CACNA1A: variants seen among roughly 807,000 people sequenced by gnomAD.
CACNA1A encodes calcium voltage-gated channel subunit alpha1 A, also known as voltage-dependent P/Q-type calcium channel subunit alpha-1A.
CACNA1A carries 57 observed loss-of-function variants against 262.4 expected under a neutral mutation model. The ratio of observed to expected loss-of-function variants is 0.22; its 90% CI spans 0.18 to 0.27. The LOEUF is 0.27. Among genes scored for constraint, CACNA1A ranks in the 10% least tolerant of loss-of-function variants. The probability of loss-of-function intolerance (pLI) is 1.00; values close to 1 mark genes in which losing one functional copy is unlikely to be tolerated. For synonymous variants in CACNA1A, 1,431 were observed against 1,419.3 expected (o/e 1.01, Z -0.18); for missense variants, 2,526 against 3,562.8 (o/e 0.71, Z 7.41).
intron 17 of CACNA1A, among the ~76,000 whole-genome samples, chr19:13,301,500 C>T (rs1203182095): frequency 2.0e-5 from 3 of 152,212 alleles, no homozygotes; most frequent in African/African-American, 4.8e-5. Flanking sequence ...GAGCAGGGCA[C>T]TTGGGCTACA....
chr19:13,324,164 T>C (rs2058308471), intron 10 of CACNA1A, among the ~76,000 whole-genome samples: 1 of 152,036 alleles, frequency 6.6e-6, no homozygotes, highest in African/African-American at 2.4e-5. Flanking sequence ...TGATCTCACA[T>C]GTGGGAGCTT....
chr19:13,299,156 T>A lies in CACNA1A; in HGVS notation c.2477A>T (p.Asp826Val). 2.5e-6 allele frequency: 4 copies of A among 1,613,296 alleles called. No homozygotes were observed. Among genetic ancestry groups the A allele is most frequent in the Non-Finnish European group, 3.4e-6 (4 of 1,179,880 alleles). Residue 826 changes from aspartate to valine, a missense_variant, in exon 19 of 47, where the codon GAC becomes GTC. By Grantham distance (152) the Asp-to-Val change is radical (BLOSUM62 -3). Coordinates refer to ENST00000360228, the MANE Select transcript of CACNA1A (RefSeq NM_001127222.2). ...GTTGTTGTTGCGGTTCTCCTGCGGG[T>A]CCACCACCAGCGGCCGGTCCAAGTG... is the stretch of plus-strand genomic sequence containing the variant. ...KTHLDRPLVVDPQENRNNNTN... is the reference protein window; with the variant it reads ...KTHLDRPLVVVPQENRNNNTN...
intron 38 of CACNA1A, among the ~76,000 whole-genome samples, chr19:13,215,976 C>T (rs755907357): frequency 6.6e-6 from 1 of 152,034 alleles, no homozygotes; most frequent in Non-Finnish European, 1.5e-5. Context: ...GCTAGAGTGC[C>T]GTGGCACAAA....
intron 10 of CACNA1A, among the ~76,000 whole-genome samples, chr19:13,324,292 G>T (rs1454060118): frequency 1.3e-5 from 2 of 151,994 alleles, no homozygotes; most frequent in African/African-American, 4.8e-5. Flanking sequence ...GTTGCAGTTA[G>T]ACTGGAGGAG....
At chr19:13,304,192 T>C (rs1239186852) in intron 15 of CACNA1A, among the ~76,000 whole-genome samples, 1 of 152,128 alleles carries the variant, frequency 6.6e-6, no homozygotes, top group Non-Finnish European at 1.5e-5. Flanking sequence ...GGATTTGTTA[T>C]GGACTAAATT....
intron 38 of CACNA1A, among the ~76,000 whole-genome samples, chr19:13,216,005 C>T (rs997061758): frequency 6.6e-6 from 1 of 152,006 alleles, no homozygotes; most frequent in Non-Finnish European, 1.5e-5. Context: ...ACTGCAGTCT[C>T]GACCTCCTGG....
chr19:13,402,797 C>T (rs572163232), intron 3 of CACNA1A, among the ~76,000 whole-genome samples: 8 of 122,184 alleles, frequency 6.5e-5, no homozygotes, highest in Admixed American at 1.6e-4. Context: ...TACATATATA[C>T]ACACATATAT....
intron 38 of CACNA1A, among the ~76,000 whole-genome samples, chr19:13,222,905 G>A (rs778204764): frequency 2.0e-5 from 3 of 151,932 alleles, no homozygotes; most frequent in Non-Finnish European, 4.4e-5. Context: ...ATGTTGGCCA[G>A]GCTGGTCTTG....
chr19:13,474,190 C>T (rs1568683262), intron 1 of CACNA1A, among the ~76,000 whole-genome samples: 1 of 152,240 alleles, frequency 6.6e-6, no homozygotes, highest in Admixed American at 6.5e-5. Flanking sequence ...CAAGGAGCCT[C>T]GGCCAAGATC....
chr19:13,452,785 G>T, intron 3 of CACNA1A, 91 bp downstream of exon 3: 1 of 1,262,360 alleles, frequency 7.9e-7, no homozygotes, highest in Non-Finnish European at 1.1e-6. Flanking sequence ...CAAGGGCTCA[G>T]CCTTCCTGAG....
intron 3 of CACNA1A, chr19:13,452,356 C>T (rs80026889): frequency 6.6e-6 from 1 of 152,506 alleles, no homozygotes; most frequent in Non-Finnish European, 1.5e-5. Flanking sequence ...GTCATAATCA[C>T]AATCCCTTGC....
chr19:13,458,883 G>A (rs181721768), intron 1 of CACNA1A, among the ~76,000 whole-genome samples: 12 of 152,324 alleles, frequency 7.9e-5, no homozygotes, highest in Admixed American at 4.6e-4. Flanking sequence ...CTGGAGAAGC[G>A]GCTGCTTGAG....
Position 13,308,185 on chromosome 19 carries a change from C to A in CACNA1A, c.1848G>T (p.Leu616=). Residue 616 remains leucine, a synonymous_variant, in exon 14 of 47, where the codon CTG becomes CTT. Transcript: ENST00000360228. The surrounding 1 kb of genome is among the most constrained non-coding windows in gnomAD (Gnocchi z 4.2). ...LLNSMKSIIS[L]LFLLFLFIVV... ...CAATGAACAGGAAAAGGAGAAACAACAGGCTGATGATGGACTTCATGGAGT... is the reference window on the plus strand; with the variant it reads ...CAATGAACAGGAAAAGGAGAAACAAAAGGCTGATGATGGACTTCATGGAGT... 2 of 1,613,984 alleles carry A rather than the reference C, an allele frequency of 1.2e-6. No individual in the cohort carries two copies. Among genetic ancestry groups the A allele is most frequent in the Non-Finnish European group, 1.7e-6 (2 of 1,179,884 alleles).
At chr19:13,389,962 G>A (rs138581609) in intron 3 of CACNA1A, among the ~76,000 whole-genome samples, 1,506 of 149,606 alleles carry the variant, frequency 0.01, 24 homozygotes, top group African/African-American at 0.035. Context: ...ACAGGCATGC[G>A]CCACCATGCC....
chr19:13,475,267 T>A (rs1978385901), intron 1 of CACNA1A, among the ~76,000 whole-genome samples: 1 of 152,164 alleles, frequency 6.6e-6, no homozygotes, highest in South Asian at 2.1e-4. Context: ...AATCCCCAGA[T>A]CTCAGTGGTT....
chr19:13,413,899 G>GAAAAGAAAAGAAAAGA (rs1393519384), intron 3 of CACNA1A, among the ~76,000 whole-genome samples: 23 of 32,036 alleles, frequency 7.2e-4, no homozygotes, highest in East Asian at 3.5e-3. Flanking sequence ...GAAAGAAAAA[G>GAAAAGAAAAGAAAAGA]AAAGAAAGAA....
intron 22 of CACNA1A, among the ~76,000 whole-genome samples, chr19:13,278,565 G>A (rs1203880345): frequency 1.3e-5 from 2 of 151,948 alleles, no homozygotes; most frequent in Admixed American, 6.6e-5. Flanking sequence ...CCACACCCCC[G>A]GCCACTTATC....
Position 13,384,470 on chromosome 19 carries a change from G to A in CACNA1A, c.540-12691C>T, listed in dbSNP as rs573672831. On this transcript the variant is annotated intron_variant, in intron 3 of 46. Coordinates refer to ENST00000360228, the MANE Select transcript of CACNA1A (RefSeq NM_001127222.2). ...CTCAGCACTTTGAAAGGCCGAGGCA[G>A]GTGGATCCCCTGAGGTTAGGAGTTC... 4.6e-5 allele frequency among the ~76,000 whole-genome samples: 7 copies of A among 152,326 alleles called. No individual in the cohort carries two copies. In the East Asian group the frequency reaches 1.4e-3, roughly 29 times the overall value.
At chr19:13,502,582 A>G (rs947007459) in intron 1 of CACNA1A, among the ~76,000 whole-genome samples, 6 of 152,340 alleles carry the variant, frequency 3.9e-5, no homozygotes, top group African/African-American at 1.4e-4. Flanking sequence ...CCAGTCAATG[A>G]AAACATGAAA....
Sources: allele counts gnomAD v4.1 joint callset (sites outside exome capture counted in the v4.1 genomes callset), GRCh38; gene constraint gnomAD v4.1.1; non-coding constraint Gnocchi (gnomAD v3.1); transcripts MANE v1.5; gene names NCBI Gene and HGNC (gene_info 2026-07-23, HGNC 2026-07-21).